The following TTLL7 variants were observed in gnomAD, a reference collection of about 807,000 sequenced individuals.
The protein encoded by TTLL7 is tubulin tyrosine ligase like 7.
In TTLL7, 53 loss-of-function variants were observed where a neutral mutation model predicts 120.2. The observed-to-expected ratio is 0.44, with a 90% CI of 0.35 to 0.55. The LOEUF is 0.55. Among genes scored for constraint, TTLL7 ranks in the 20% least tolerant of loss-of-function variants. The probability of loss-of-function intolerance (pLI) is 0.00; values close to 1 mark genes in which losing one functional copy is unlikely to be tolerated. For missense variants in TTLL7, 803 were observed against 1,054.7 expected (o/e 0.76, Z 3.31); for synonymous variants, 353 against 351.7 (o/e 1.00, Z -0.04).
chr1:83,962,060 G>A (rs906581636), intron 1 of TTLL7, among the ~76,000 whole-genome samples: 1 of 152,128 alleles, frequency 6.6e-6, no homozygotes, highest in African/African-American at 2.4e-5. Context: ...TTAAAAGAGA[G>A]GGACTAGGGG....
In TTLL7 at chr1:83,883,146, T is replaced by C. The variant is rs769046975; in HGVS notation, c.2370-10A>G. 1.3e-6 allele frequency: 2 copies of C among 1,576,698 alleles called. No homozygotes were observed. The highest frequency in any genetic ancestry group is 1.2e-5 in the South Asian group (1 of 86,180). The stretch of plus-strand genomic sequence containing the variant: ...ACTCTCCCAAGAGGATCTGTTGGCA[T>C]GGAAACAGACATGATCTCATGTTGG... On this transcript the variant is annotated splice_polypyrimidine_tract_variant and intron_variant, in intron 19 of 20. Transcript: ENST00000260505.
At chr1:83,942,992 T>C (rs762037749) in intron 6 of TTLL7, among the ~76,000 whole-genome samples, 2 of 151,996 alleles carry the variant, frequency 1.3e-5, no homozygotes, top group African/African-American at 4.8e-5. Context: ...TTGAAGAGCC[T>C]CATTTTCAAT....
intron 14 of TTLL7, among the ~76,000 whole-genome samples, chr1:83,916,239 C>T (rs1174503551): frequency 1.3e-5 from 2 of 152,050 alleles, no homozygotes; most frequent in South Asian, 4.1e-4. Context: ...TTGGAACCAA[C>T]CCAAATGTTC....
intron 14 of TTLL7, among the ~76,000 whole-genome samples, chr1:83,915,900 T>A (rs1188103969): frequency 1.3e-5 from 2 of 152,228 alleles, no homozygotes; most frequent in African/African-American, 4.8e-5. Context: ...ATGCTCATCA[T>A]CACTGACCAT....
chr1:83,917,819 A>G, intron 13 of TTLL7, 129 bp from the exon 14 acceptor site: 1 of 649,112 alleles, frequency 1.5e-6, no homozygotes, highest in Non-Finnish European at 2.6e-6. Context: ...TGCTCAGAAA[A>G]AAGGAGAAAT....
chr1:83,881,116 T>G (rs1440112716), intron 20 of TTLL7, among the ~76,000 whole-genome samples: 3 of 150,254 alleles, frequency 2.0e-5, no homozygotes, highest in African/African-American at 4.9e-5. Flanking sequence ...ACTTAAATGT[T>G]AGACCTAAAA....
chr1:83,947,254 T>C lies in TTLL7; in HGVS notation c.376A>G (p.Thr126Ala). ...AAGATCCAAGTTCGAGGAACAAAGGTATAATCCAGAGGCCGAGACTTGATC... is the reference window on the plus strand; with the variant it reads ...AAGATCCAAGTTCGAGGAACAAAGGCATAATCCAGAGGCCGAGACTTGATC... ...KMIKSRPLDYTFVPRTWIFPA... is the reference protein window; with the variant it reads ...KMIKSRPLDYAFVPRTWIFPA... The change falls in exon 6 of 21, where the codon ACC (threonine) becomes GCC (alanine). Residue 126 changes from threonine to alanine, a missense_variant. By Grantham distance (58) the Thr-to-Ala change is moderately conservative. This residue lies in a region of TTLL7 where 324 missense variants were observed against 507.7 expected (regional missense o/e 0.64). Coordinates refer to ENST00000260505, the MANE Select transcript of TTLL7 (RefSeq NM_024686.6). 2.5e-6 allele frequency: 4 copies of C among 1,611,274 alleles called. No individual in the cohort carries two copies. Among genetic ancestry groups the C allele is most frequent in the Non-Finnish European group, 3.4e-6 (4 of 1,179,206 alleles).
Position 83,911,197 on chromosome 1 carries a change from G to A in TTLL7, c.1754C>T (p.Pro585Leu), listed in dbSNP as rs1352187186. 1.9e-6 allele frequency: 3 copies of A among 1,611,910 alleles called. No individual in the cohort carries two copies. The highest frequency in any genetic ancestry group is 1.3e-5 in the African/African-American group (1 of 74,932). The stretch of plus-strand genomic sequence containing the variant: ...TTGAATTAATTTGTAGTGGTTGGAG[G>A]GTTTAAGATTATATGTAACTTGCTT... ...REKQVTYNLK[P>L]SNHYKLIQQP... Residue 585 changes from proline (P) to leucine (L), a missense_variant, in exon 15 of 21, where the codon CCC becomes CTC. Coordinates refer to ENST00000260505, the MANE Select transcript of TTLL7 (RefSeq NM_024686.6).
chr1:83,911,943 A>T (rs987221172), intron 14 of TTLL7, among the ~76,000 whole-genome samples: 3 of 152,098 alleles, frequency 2.0e-5, no homozygotes, highest in Non-Finnish European at 4.4e-5. Context: ...ATCCATTCAG[A>T]CAATGTGCAG....
At chr1:83,900,261 G>A (rs1282965824) in intron 18 of TTLL7, 2 of 326,870 alleles carry the variant, frequency 6.1e-6, no homozygotes, top group Non-Finnish European at 1.2e-5. Flanking sequence ...AAAGAGTCTA[G>A]AATGGAATCA....
At chr1:83,879,584 T>C (rs907312834) in intron 20 of TTLL7, among the ~76,000 whole-genome samples, 2 of 151,986 alleles carry the variant, frequency 1.3e-5, no homozygotes, top group Non-Finnish European at 2.9e-5. Flanking sequence ...TAATTCAGTA[T>C]TAGAAAACTC....
intron 18 of TTLL7, among the ~76,000 whole-genome samples, chr1:83,893,476 A>C (rs1269913496): frequency 6.6e-6 from 1 of 152,130 alleles, no homozygotes; most frequent in Non-Finnish European, 1.5e-5. Context: ...CTCTATAATT[A>C]TGGCAACTGC....
chr1:83,909,698 T>C (rs879937952), intron 15 of TTLL7, among the ~76,000 whole-genome samples: 3 of 152,180 alleles, frequency 2.0e-5, no homozygotes, highest in Non-Finnish European at 4.4e-5. Flanking sequence ...TAGTGCACTA[T>C]TGTCTGATAT....
intron 1 of TTLL7, among the ~76,000 whole-genome samples, chr1:83,957,941 T>C (rs982100246): frequency 1.5e-4 from 23 of 152,338 alleles, no homozygotes; most frequent in African/African-American, 4.8e-4. Flanking sequence ...TAGTCTATTA[T>C]ACTTTATTAT....
At chr1:83,947,061 T>A in intron 6 of TTLL7, 63 bp downstream of exon 6, 1 of 1,392,038 alleles carries the variant, frequency 7.2e-7, no homozygotes, top group Non-Finnish European at 9.7e-7. Flanking sequence ...ATTATGCACA[T>A]TTATTCTCCC....
intron 7 of TTLL7, among the ~76,000 whole-genome samples, chr1:83,939,885 A>C (rs1315852697): frequency 6.6e-6 from 1 of 152,150 alleles, no homozygotes; most frequent in East Asian, 1.9e-4. Context: ...AGAAACACCC[A>C]ATGAGAGCAC....
At chr1:83,972,663 G>A (rs527594156) in intron 1 of TTLL7, among the ~76,000 whole-genome samples, 1 of 152,152 alleles carries the variant, frequency 6.6e-6, no homozygotes, top group South Asian at 2.1e-4. Flanking sequence ...GTCTTCCAAA[G>A]TATCTGTGCC....
At chr1:83,920,348 T>G (rs1222609261) in intron 12 of TTLL7, among the ~76,000 whole-genome samples, 1 of 152,004 alleles carries the variant, frequency 6.6e-6, no homozygotes, top group Non-Finnish European at 1.5e-5. Flanking sequence ...GCAGGAGTGT[T>G]TTTACTTAGT....
intron 18 of TTLL7, among the ~76,000 whole-genome samples, chr1:83,894,359 CATTAT>C (rs1656036924): frequency 6.6e-6 from 1 of 152,022 alleles, no homozygotes; most frequent in South Asian, 2.1e-4. Flanking sequence ...TCAGTTTTCA[CATTAT>C]ATTATAAAAT....
Sources: allele counts gnomAD v4.1 joint callset (sites outside exome capture counted in the v4.1 genomes callset), GRCh38; gene constraint gnomAD v4.1.1; regional missense constraint gnomAD v4.1.1; transcripts MANE v1.5; gene names NCBI Gene and HGNC (gene_info 2026-07-23, HGNC 2026-07-21).